The following PCCA variants were observed in gnomAD, a reference collection of about 807,000 sequenced individuals.
PCCA encodes the protein propionyl-CoA carboxylase alpha chain, mitochondrial.
In PCCA, 74 loss-of-function variants were observed where a neutral mutation model predicts 101.3. The observed-to-expected ratio is 0.73, with a 90% CI of 0.61 to 0.89. PCCA has a LOEUF of 0.89. Among genes scored for constraint, PCCA ranks in the 40% least tolerant of loss-of-function variants. PCCA has a pLI of 0.00. For synonymous variants in PCCA, 294 were observed against 313.6 expected, an observed-to-expected ratio of 0.94 and a Z score of 0.66; for missense variants, 891 against 907.0, an observed-to-expected ratio of 0.98 and a Z score of 0.23.
chr13:100,465,895 C>T (rs2082480070), intron 21 of PCCA, among the ~76,000 whole-genome samples: 2 of 152,184 alleles, frequency 1.3e-5, no homozygotes, highest in South Asian at 4.1e-4. Flanking sequence ...ACTGGATTTG[C>T]TTTAGGAACA....
intron 6 of PCCA, among the ~76,000 whole-genome samples, chr13:100,165,717 C>G (rs952766303): frequency 1.7e-4 from 26 of 152,072 alleles, no homozygotes; most frequent in African/African-American, 4.3e-4. Context: ...CTCTCCTGTA[C>G]ACTTCAGCAT....
intron 7 of PCCA, among the ~76,000 whole-genome samples, chr13:100,230,185 G>A (rs766524759): frequency 4.6e-5 from 7 of 152,308 alleles, no homozygotes; most frequent in Admixed American, 1.3e-4. Flanking sequence ...ATTGCAGGGC[G>A]TGGTGTATGT....
At chr13:100,145,237 AG>A in intron 4 of PCCA, among the ~76,000 whole-genome samples, 1 of 152,354 alleles carries the variant, frequency 6.6e-6, no homozygotes, top group Middle Eastern at 3.4e-3. Flanking sequence ...CATACAGCAT[AG>A]GTTCTCAACA....
At chr13:100,260,045 G>A (rs1416871837) in intron 9 of PCCA, among the ~76,000 whole-genome samples, 1 of 152,102 alleles carries the variant, frequency 6.6e-6, no homozygotes, top group Non-Finnish European at 1.5e-5. Flanking sequence ...AATGCAAAAT[G>A]AAAGATCTCA....
intron 16 of PCCA, among the ~76,000 whole-genome samples, chr13:100,317,504 CT>C (rs1467582141): frequency 6.6e-6 from 1 of 152,190 alleles, no homozygotes; most frequent in Non-Finnish European, 1.5e-5. Flanking sequence ...TCCTCTCAAC[CT>C]GTTTCTTCTC....
chr13:100,265,584 A>C (rs895757329), intron 10 of PCCA, among the ~76,000 whole-genome samples: 1 of 150,978 alleles, frequency 6.6e-6, no homozygotes, highest in African/African-American at 2.4e-5. Context: ...ACACCCACCC[A>C]CTCCCACCTC....
intron 19 of PCCA, among the ~76,000 whole-genome samples, chr13:100,374,620 A>C (rs1332362404): frequency 2.0e-5 from 3 of 152,184 alleles, no homozygotes; most frequent in Non-Finnish European, 4.4e-5. Context: ...ACTTGAAAGA[A>C]AGAGTTGAAA....
intron 17 of PCCA, among the ~76,000 whole-genome samples, chr13:100,331,247 C>A (rs149480634): frequency 1.1e-4 from 16 of 152,028 alleles, no homozygotes; most frequent in African/African-American, 3.6e-4. Flanking sequence ...TAGAGAAAAC[C>A]CTTTAGTGAG....
chr13:100,247,804 C>T (rs1359675845), intron 8 of PCCA, among the ~76,000 whole-genome samples: 1 of 152,184 alleles, frequency 6.6e-6, no homozygotes, highest in East Asian at 1.9e-4. Flanking sequence ...GCATGAGTCA[C>T]CACATCCAGC....
At chr13:100,142,528 G>A (rs1202877512) in intron 4 of PCCA, among the ~76,000 whole-genome samples, 3 of 148,206 alleles carry the variant, frequency 2.0e-5, no homozygotes, top group African/African-American at 5.1e-5. Flanking sequence ...AGGCTGGCGT[G>A]CAGTGGCATG....
At chr13:100,285,701 A>C (rs1420900456) in intron 12 of PCCA, among the ~76,000 whole-genome samples, 5 of 152,116 alleles carry the variant, frequency 3.3e-5, no homozygotes, top group Non-Finnish European at 5.9e-5. Context: ...CAACCCTGCC[A>C]CTTTTCTCCC....
intron 15 of PCCA, among the ~76,000 whole-genome samples, chr13:100,308,663 T>C (rs2066661388): frequency 6.6e-6 from 1 of 152,188 alleles, no homozygotes; most frequent in Non-Finnish European, 1.5e-5. Context: ...TTTAGGTCTT[T>C]TGTTTATTAG....
At chr13:100,406,794 G>A (rs1322653981) in intron 19 of PCCA, among the ~76,000 whole-genome samples, 1 of 152,128 alleles carries the variant, frequency 6.6e-6, no homozygotes, top group Non-Finnish European at 1.5e-5. Flanking sequence ...CCAAGCAAAA[G>A]TCAAAAAGGT....
chr13:100,169,987 A>G (rs1400190408), intron 6 of PCCA, among the ~76,000 whole-genome samples: 1 of 152,142 alleles, frequency 6.6e-6, no homozygotes, highest in African/African-American at 2.4e-5. Context: ...GGCATGAGCC[A>G]CCACACCCAG....
intron 19 of PCCA, among the ~76,000 whole-genome samples, chr13:100,408,157 A>G (rs756071398): frequency 6.6e-6 from 1 of 152,222 alleles, no homozygotes; most frequent in African/African-American, 2.4e-5. Flanking sequence ...GTCTTAAACA[A>G]ACAAACAAAC....
intron 1 of PCCA, among the ~76,000 whole-genome samples, chr13:100,089,455 G>A (rs936710014): frequency 6.6e-5 from 10 of 152,252 alleles, no homozygotes; most frequent in African/African-American, 2.2e-4. Context: ...GAGCAGAGAG[G>A]CCTAGGGCAG....
intron 6 of PCCA, among the ~76,000 whole-genome samples, chr13:100,194,954 T>C (rs1347164024): frequency 6.6e-6 from 1 of 152,180 alleles, no homozygotes; most frequent in East Asian, 1.9e-4. Context: ...ATTATATTCA[T>C]AGTTATTGTA....
rs531226396 is a variant in PCCA, at chr13:100,200,175, G to C, written c.469-9157G>C. ...GCTGGAGTGCAGTGGCGCAATCTTG[G>C]CTCACTGCAAGCTCTGCCTCCCGGG... is the stretch of plus-strand genomic sequence containing the variant. On this transcript the variant is annotated intron_variant, in intron 6 of 23. Coordinates refer to ENST00000376285, the MANE Select transcript of PCCA (RefSeq NM_000282.4). Among the ~76,000 whole-genome samples, 6 of 152,198 alleles carry C rather than the reference G, an allele frequency of 3.9e-5. No individual in the cohort carries two copies. The East Asian group carries it at 1.2e-3, about 29-fold the overall frequency.
In PCCA at chr13:100,328,181, G is replaced by C. The variant is rs112465187; in HGVS notation, c.1430-2380G>C. ...AGATCGAGACCAACCTGGCCAACAT[G>C]ATGAAACCCCGTCTCTAGTAAAAAT... is the stretch of plus-strand genomic sequence containing the variant. On this transcript the variant is annotated intron_variant, in intron 16 of 23. Transcript: ENST00000376285. Among the ~76,000 whole-genome samples the C allele has an allele frequency of 1.6e-3, 242 of 152,158 alleles. 2 individuals are homozygous for C. The highest frequency in any genetic ancestry group is 5.6e-3 in the African/African-American group (233 of 41,516).
Sources: allele counts gnomAD v4.1 joint callset (sites outside exome capture counted in the v4.1 genomes callset), GRCh38; gene constraint gnomAD v4.1.1; transcripts MANE v1.5; gene names NCBI Gene and HGNC (gene_info 2026-07-23, HGNC 2026-07-21).